Variants in FN1 observed in about 807,000 individuals in gnomAD.
FN1 encodes fibronectin.
In FN1, 106 loss-of-function variants were observed where a neutral mutation model predicts 297.3. The ratio of observed to expected loss-of-function variants is 0.36; its 90% CI spans 0.30 to 0.42. The LOEUF (loss-of-function observed/expected upper bound fraction) is 0.42, where lower values mean the gene tolerates loss of function less well. Ranked by LOEUF, FN1 falls within the 10% of genes least tolerant of loss-of-function variation. FN1 has a pLI of 1.00. For missense variants in FN1, 2,690 were observed against 3,124.9 expected (o/e 0.86, Z 3.32); for synonymous variants, 1,149 against 1,152.6 (o/e 1.00, Z 0.06).
rs1559609527 is a variant in FN1 at position 215,431,883 on chromosome 2, T to C, written c.497A>G (p.Glu166Gly). 1 of 1,613,902 alleles carries C rather than the reference T, an allele frequency of 6.2e-7. No individual in the cohort carries two copies. Among genetic ancestry groups the C allele is most frequent in the Non-Finnish European group, 8.5e-7 (1 of 1,179,946 alleles). The change falls in exon 4 of 46, where the codon GAG (glutamate) becomes GGG (glycine). Residue 166 changes from glutamate to glycine, a missense_variant. By Grantham distance (98) the Glu-to-Gly change is moderately conservative (BLOSUM62 -2). Around this residue, in one of 3 missense-constraint regions of FN1, gnomAD observed 876 missense variants for 1,058.1 expected, o/e 0.83. Coordinates refer to ENST00000354785, the MANE Select transcript of FN1 (RefSeq NM_212482.4). ...RPHETGGYML[E>G]CVCLGNGKGE... ...TTTTCCATTACCAAGACACACACACTCTAACATGTAACCACCAGTCTCATG... is the reference window on the plus strand; with the variant it reads ...TTTTCCATTACCAAGACACACACACCCTAACATGTAACCACCAGTCTCATG...
At chr2:215,401,372 G>A (rs2061150020) in intron 20 of FN1, among the ~76,000 whole-genome samples, 1 of 152,024 alleles carries the variant, frequency 6.6e-6, no homozygotes, top group African/African-American at 2.4e-5. Flanking sequence ...AAAGAGGCAT[G>A]TATATATAAA....
intron 44 of FN1, chr2:215,363,581 A>G (rs969621446): frequency 3.9e-5 from 6 of 152,242 alleles, no homozygotes; most frequent in Admixed American, 3.3e-4. Flanking sequence ...AATTTTCCCA[A>G]AGACTATTTT....
intron 5 of FN1, among the ~76,000 whole-genome samples, chr2:215,428,951 G>T (rs2065976707): frequency 6.6e-6 from 1 of 152,060 alleles, no homozygotes; most frequent in East Asian, 1.9e-4. Context: ...GGAGGTGGAG[G>T]TTGCAATGAG....
rs768302524 is a variant in FN1 at position 215,365,518 on chromosome 2, G to A, written c.7131C>T (p.Phe2377=). Residue 2377 remains phenylalanine (F), a synonymous_variant, in exon 43 of 46, where the codon TTC becomes TTT. Coordinates refer to ENST00000354785, the MANE Select transcript of FN1 (RefSeq NM_212482.4). ...GTGATGACATACGAGGGTCACACTT[G>A]AATTCTCCTTTTCCGTTCCCAAGAC... ...CTCLGNGKGE[F]KCDPHEATCY... is the part of the protein sequence containing the mutation. 3 of 1,613,910 alleles carry A rather than the reference G, an allele frequency of 1.9e-6. No homozygotes were observed. Among genetic ancestry groups the A allele is most frequent in the African/African-American group, 2.7e-5 (2 of 74,916 alleles).
At chr2:215,372,582 G>T (rs1375361829) in intron 39 of FN1, 2 of 604,844 alleles carry the variant, frequency 3.3e-6, no homozygotes, top group Non-Finnish European at 5.9e-6. Flanking sequence ...AGTTTAGAAA[G>T]AAAAAAGTGT....
intron 20 of FN1, among the ~76,000 whole-genome samples, chr2:215,401,243 A>AAGGAAGGAAGGAAGGAAGGAAGGAAGG (rs1559475433): frequency 4.8e-4 from 32 of 66,858 alleles, no homozygotes; most frequent in African/African-American, 1.6e-3. Context: ...AGAAAGAAAG[A>AAGGAAGGAAGGAAGGAAGGAAGGAAGG]AAGAAAGGAA....
In FN1 at chr2:215,425,009, T is replaced by C. The variant is rs1575800093; in HGVS notation, c.1036+85A>G. On this transcript the variant is annotated intron_variant, in intron 7 of 45. Transcript: ENST00000354785. Reference sequence around the variant, plus strand: ...AAGATTACAGGCTTCTTGTTTGTTTTATTGTTTCACATTGAAAATGTATTG... The same window carrying C: ...AAGATTACAGGCTTCTTGTTTGTTTCATTGTTTCACATTGAAAATGTATTG... 5 of 1,258,480 alleles carry C rather than the reference T, an allele frequency of 4.0e-6. No homozygotes were observed. The East Asian group carries it at 9.2e-5, about 23-fold the overall frequency. 78.0% of individuals were successfully genotyped at this position (1,258,480 alleles called of 1,614,324 possible).
At chr2:215,411,203 C>T (rs2062574429) in intron 13 of FN1, among the ~76,000 whole-genome samples, 1 of 152,086 alleles carries the variant, frequency 6.6e-6, no homozygotes. Context: ...ATTAATATGC[C>T]ATGGGTCACA....
Position 215,431,886 on chromosome 2 carries a change from A to G in FN1, c.494T>C (p.Leu165Ser). 1.2e-6 allele frequency: 2 copies of G among 1,614,038 alleles called. No individual in the cohort carries two copies. The highest frequency in any genetic ancestry group is 1.1e-5 in the South Asian group (1 of 91,086). ...RRPHETGGYM[L>S]ECVCLGNGKG... ...TCCATTACCAAGACACACACACTCT[A>G]ACATGTAACCACCAGTCTCATGTGG... is the stretch of plus-strand genomic sequence containing the variant. The change falls in exon 4 of 46, where the codon TTA becomes TCA. Residue 165 changes from leucine (L) to serine (S), a missense_variant. Coordinates refer to ENST00000354785, the MANE Select transcript of FN1 (RefSeq NM_212482.4).
At chr2:215,433,589 T>C (rs2066912692) in intron 2 of FN1, 128 bp from the exon 3 acceptor site, 2 of 934,910 alleles carry the variant, frequency 2.1e-6, no homozygotes, top group Admixed American at 4.1e-5. Flanking sequence ...AAGAATAAAA[T>C]GAAGTGAGAG....
At position 215,370,334 on chromosome 2, in the gene FN1, C is replaced by G. The variant is rs1284484344; in HGVS notation, c.6813G>C (p.Arg2271Ser). The stretch of plus-strand genomic sequence containing the variant: ...TAACAACCTCTTCCCGAACCTTATG[C>G]CTCTGCTGGTCTTTCAGTGCCTCCA... ...VIVEALKDQQ[R>S]HKVREEVVTV... Residue 2271 changes from arginine to serine, a missense_variant, in exon 41 of 46, where the codon AGG (arginine) becomes AGC (serine). Transcript: ENST00000354785. 1 of 1,613,936 alleles carries G rather than the reference C, an allele frequency of 6.2e-7. No homozygotes were observed. Among genetic ancestry groups the G allele is most frequent in the East Asian group, 2.2e-5 (1 of 44,862 alleles).
chr2:215,408,923 T>C (rs1354264554), intron 15 of FN1, among the ~76,000 whole-genome samples: 1 of 152,186 alleles, frequency 6.6e-6, no homozygotes, highest in African/African-American at 2.4e-5. Flanking sequence ...TCTTTCTCCT[T>C]TCTCCTCCTC....
At chr2:215,379,680 T>G (rs535462456) in intron 33 of FN1, 202 of 246,478 alleles carry the variant, frequency 8.2e-4, no homozygotes, top group African/African-American at 4.3e-3. Context: ...CAATGGCCCT[T>G]TTTCTTTCTT....
chr2:215,392,092 T>G, intron 25 of FN1: 1 of 407,852 alleles, frequency 2.5e-6, no homozygotes, highest in East Asian at 5.2e-5. Context: ...TTATGTACAT[T>G]ATTAATACCA....
intron 2 of FN1, among the ~76,000 whole-genome samples, chr2:215,434,005 G>A (rs2067003562): frequency 6.6e-6 from 1 of 152,252 alleles, no homozygotes. Flanking sequence ...AGGAGGCTGA[G>A]GCAGGAGAAT....
chr2:215,390,588 A>G (rs1324308482), intron 26 of FN1, among the ~76,000 whole-genome samples: 1 of 152,200 alleles, frequency 6.6e-6, no homozygotes, highest in African/African-American at 2.4e-5. Context: ...CTTAGAACAC[A>G]TGATTAGCAT....
At chr2:215,378,490 A>T (rs528549394) in intron 34 of FN1, among the ~76,000 whole-genome samples, 17 of 152,120 alleles carry the variant, frequency 1.1e-4, no homozygotes, top group Admixed American at 1.1e-3. Flanking sequence ...TAAGCCATAG[A>T]TTATATACTT....
Position 215,395,810 on chromosome 2 carries a change from T to C in FN1, c.3605-1091A>G, listed in dbSNP as rs566731669. 3.3e-5 allele frequency among the ~76,000 whole-genome samples: 5 copies of C among 152,330 alleles called. No individual in the cohort carries two copies. The East Asian group carries it at 7.7e-4, about 23-fold the overall frequency. On this transcript the variant is annotated intron_variant, in intron 23 of 45. Coordinates refer to ENST00000354785, the MANE Select transcript of FN1 (RefSeq NM_212482.4). ...AACCCAACTGAATGAGAAATAAATA[T>C]TGAGATCATTACACTTGCTAGTGGT...
intron 5 of FN1, 29 bp from the exon 6 acceptor site, chr2:215,428,367 A>G (rs974706258): frequency 8.1e-6 from 13 of 1,610,894 alleles, no homozygotes; most frequent in Non-Finnish European, 1.1e-5. Flanking sequence ...ACATACATAC[A>G]TCAGGTCGAG....
Sources: gnomAD v4.1 joint callset for allele counts (sites outside exome capture counted in the v4.1 genomes callset) on GRCh38, gnomAD v4.1.1 for gene constraint, gnomAD v4.1.1 regional missense constraint, MANE v1.5 for transcripts, NCBI Gene and HGNC (gene_info 2026-07-23, HGNC 2026-07-21) for gene names.